Variants in CNTN1 observed in about 807,000 individuals in gnomAD.
CNTN1 encodes the protein contactin-1.
CNTN1 carries 38 observed loss-of-function variants against 126.4 expected under a neutral mutation model. The ratio of observed to expected loss-of-function variants is 0.30; its 90% CI spans 0.23 to 0.39. CNTN1 has a LOEUF of 0.39. Among genes scored for constraint, CNTN1 ranks in the 10% least tolerant of loss-of-function variants. The pLI, the probability that CNTN1 is intolerant of heterozygous loss-of-function variation, is 1.00. For synonymous variants in CNTN1, 413 were observed against 422.6 expected (o/e 0.98, Z 0.28); for missense variants, 1,009 against 1,248.4 (o/e 0.81, Z 2.89).
intron 1 of CNTN1, among the ~76,000 whole-genome samples, chr12:40,846,461 G>A (rs12296927): frequency 1.3e-5 from 2 of 152,082 alleles, no homozygotes; most frequent in Non-Finnish European, 2.9e-5. Flanking sequence ...GCGAAACTCC[G>A]TCTCAGAAAA....
chr12:40,715,569 GA>G (rs1427147376), intron 1 of CNTN1, among the ~76,000 whole-genome samples: 4 of 152,246 alleles, frequency 2.6e-5, no homozygotes, highest in Non-Finnish European at 5.9e-5. Context: ...TTGTGTTGGA[GA>G]AAATATTGAC....
intron 1 of CNTN1, among the ~76,000 whole-genome samples, chr12:40,897,558 G>A (rs1944453040): frequency 6.6e-6 from 1 of 152,148 alleles, no homozygotes; most frequent in South Asian, 2.1e-4. Flanking sequence ...TTAGATACCA[G>A]TTTTTGTATA....
chr12:40,975,345 A>G (rs1305777139), intron 15 of CNTN1, among the ~76,000 whole-genome samples: 1 of 151,878 alleles, frequency 6.6e-6, no homozygotes, highest in Admixed American at 6.6e-5. Context: ...GAAAGAGAGT[A>G]GGGGTGTGGC....
At chr12:40,949,380 G>C (rs944937497) in intron 14 of CNTN1, among the ~76,000 whole-genome samples, 5 of 149,890 alleles carry the variant, frequency 3.3e-5, no homozygotes, top group Admixed American at 2.6e-4. Flanking sequence ...CCACTAACTC[G>C]TCATCTAGCA....
chr12:40,835,680 C>T (rs1190433957), intron 1 of CNTN1, among the ~76,000 whole-genome samples: 1 of 152,012 alleles, frequency 6.6e-6, no homozygotes, highest in African/African-American at 2.4e-5. Context: ...CAAGGGTTGT[C>T]TGAGTTATAT....
intron 15 of CNTN1, among the ~76,000 whole-genome samples, chr12:40,977,204 T>G (rs2137059160): frequency 6.6e-6 from 1 of 152,232 alleles, no homozygotes; most frequent in East Asian, 1.9e-4. Flanking sequence ...TGATTGGCAA[T>G]TGGTTGAAAG....
chr12:40,931,843 G>A (rs1443914246), intron 7 of CNTN1, among the ~76,000 whole-genome samples: 2 of 151,914 alleles, frequency 1.3e-5, no homozygotes, highest in Non-Finnish European at 2.9e-5. Flanking sequence ...TGATTCTGAT[G>A]ATTGAGCCTT....
At chr12:40,944,634 G>C (rs1946373488) in intron 14 of CNTN1, among the ~76,000 whole-genome samples, 2 of 151,864 alleles carry the variant, frequency 1.3e-5, no homozygotes, top group South Asian at 2.1e-4. Flanking sequence ...ATTTGAAGAG[G>C]GTTAAATGGC....
At chr12:41,037,604 T>C (rs1949294438) in intron 23 of CNTN1, among the ~76,000 whole-genome samples, 1 of 151,940 alleles carries the variant, frequency 6.6e-6, no homozygotes, top group African/African-American at 2.4e-5. Context: ...TATAAGCCCA[T>C]TTATATGAAG....
chr12:41,046,294 T>C (rs1949536929), intron 23 of CNTN1, among the ~76,000 whole-genome samples: 2 of 152,144 alleles, frequency 1.3e-5, no homozygotes, highest in Admixed American at 1.3e-4. Context: ...AAAAATTACA[T>C]TATAATTTTC....
rs33992864 is a variant in CNTN1, at chr12:40,759,774, A to ATTTTTTTT, written c.-77+67194_-77+67201dup. On this transcript the variant is annotated intron_variant, in intron 1 of 23. Coordinates refer to ENST00000551295, the MANE Select transcript of CNTN1 (RefSeq NM_001843.4). ...GTGAGCCACCTCACTTGGCCCAGAT[A>ATTTTTTTT]TTTTTTTTTTTTTTTTTTTCAAAAA... 1.8e-4 allele frequency among the ~76,000 whole-genome samples: 24 copies of ATTTTTTTT among 133,572 alleles called. No homozygotes were observed. In the East Asian group the frequency reaches 2.7e-3, roughly 15 times the overall value. 87.6% of individuals were successfully genotyped at this position (133,572 alleles called of 152,430 possible).
At chr12:40,938,587 C>T (rs774612192) in intron 11 of CNTN1, among the ~76,000 whole-genome samples, 3 of 152,142 alleles carry the variant, frequency 2.0e-5, no homozygotes, top group Non-Finnish European at 4.4e-5. Context: ...TCAATTTTCT[C>T]ATTTATAAAC....
rs1941750294 is a variant in CNTN1 at position 40,706,719 on chromosome 12, GCC to G, written c.-77+14129_-77+14130del. Among the ~76,000 whole-genome samples the G allele has an allele frequency of 2.6e-5, 4 of 152,224 alleles. No individual in the cohort carries two copies. In the South Asian group the frequency reaches 6.2e-4, roughly 24 times the overall value. On this transcript the variant is annotated intron_variant, in intron 1 of 23. Coordinates refer to ENST00000551295, the MANE Select transcript of CNTN1 (RefSeq NM_001843.4). ...GAAGGTTGTCTATTTATTAGCAGAT[GCC>G]CACACTACTTCTTCCATATTGGTAG...
intron 1 of CNTN1, among the ~76,000 whole-genome samples, chr12:40,853,834 G>A (rs767842760): frequency 3.3e-5 from 5 of 151,332 alleles, no homozygotes; most frequent in Non-Finnish European, 1.5e-5. Context: ...AAACAGCTCT[G>A]ATCATATCAA....
intron 3 of CNTN1, among the ~76,000 whole-genome samples, chr12:40,912,628 A>C (rs1945082044): frequency 6.6e-6 from 1 of 152,108 alleles, no homozygotes. Flanking sequence ...ATCCAAAGCT[A>C]ATATTTAAAA....
intron 4 of CNTN1, among the ~76,000 whole-genome samples, chr12:40,920,695 G>A (rs926379304): frequency 6.6e-6 from 1 of 152,110 alleles, no homozygotes; most frequent in Non-Finnish European, 1.5e-5. Context: ...GCTATTCATA[G>A]CAACATCCTG....
chr12:40,974,563 A>T (rs1176722442), intron 15 of CNTN1, among the ~76,000 whole-genome samples: 1 of 152,216 alleles, frequency 6.6e-6, no homozygotes, highest in Admixed American at 6.6e-5. Context: ...AAGAAAAGTC[A>T]GCAACGGAAA....
intron 16 of CNTN1, among the ~76,000 whole-genome samples, chr12:40,985,180 GTTTTTC>G (rs1245470277): frequency 1.3e-5 from 2 of 151,806 alleles, no homozygotes; most frequent in African/African-American, 4.8e-5. Context: ...GACAGTTTTT[GTTTTTC>G]TTTTCTTTTT....
At chr12:40,811,692 A>G (rs77345239) in intron 1 of CNTN1, among the ~76,000 whole-genome samples, 3,733 of 151,712 alleles carry the variant, frequency 0.025, 147 homozygotes, top group African/African-American at 0.084. Context: ...TTTGGATATA[A>G]TTGTTCATAG....
Sources: gnomAD v4.1 joint callset for allele counts (sites outside exome capture counted in the v4.1 genomes callset) on GRCh38, gnomAD v4.1.1 for gene constraint, MANE v1.5 for transcripts, NCBI Gene and HGNC (gene_info 2026-07-23, HGNC 2026-07-21) for gene names.